EFR3A: variants seen among roughly 807,000 people sequenced by gnomAD.
EFR3A encodes protein EFR3 homolog A.
In EFR3A, 76 loss-of-function variants were observed where a neutral mutation model predicts 104.4. The observed-to-expected ratio is 0.73, with a 90% confidence interval of 0.60 to 0.88. The LOEUF (loss-of-function observed/expected upper bound fraction) is 0.88, where lower values mean the gene tolerates loss of function less well. Among genes scored for constraint, EFR3A ranks in the 40% least tolerant of loss-of-function variants. The pLI is 0.00. For synonymous variants in EFR3A, 330 were observed against 330.0 expected, an observed-to-expected ratio of 1.00 and a Z score of 0.00; for missense variants, 985 against 1,012.5, an observed-to-expected ratio of 0.97 and a Z score of 0.37.
At chr8:131,996,600 A>G in intron 19 of EFR3A, 103 bp downstream of exon 19, 1 of 593,964 alleles carries the variant, frequency 1.7e-6, no homozygotes, top group South Asian at 2.3e-5. Context: ...ACAACTCTAA[A>G]TTATCCTCAA....
intron 5 of EFR3A, 116 bp downstream of exon 5, chr8:131,950,206 C>T: frequency 9.0e-7 from 1 of 1,112,484 alleles, no homozygotes; most frequent in South Asian, 1.6e-5. Flanking sequence ...TACGGCTTTC[C>T]ATTGCTGTTA....
At chr8:131,963,598 A>C (rs1314165335) in intron 8 of EFR3A, among the ~76,000 whole-genome samples, 1 of 152,200 alleles carries the variant, frequency 6.6e-6, no homozygotes, top group Non-Finnish European at 1.5e-5. Flanking sequence ...CAACCAAAAA[A>C]AGTCCAGGAC....
At chr8:132,005,076 ATTATT>A (rs1175644925) in intron 22 of EFR3A, among the ~76,000 whole-genome samples, 1 of 152,234 alleles carries the variant, frequency 6.6e-6, no homozygotes, top group African/African-American at 2.4e-5. Context: ...TGCTAAATGT[ATTATT>A]TTATTTAATA....
intron 8 of EFR3A, among the ~76,000 whole-genome samples, chr8:131,966,124 T>C (rs1198991795): frequency 3.3e-5 from 5 of 152,124 alleles, no homozygotes; most frequent in Non-Finnish European, 7.3e-5. Context: ...GACGAGTTAA[T>C]GGGTGCAGCA....
intron 8 of EFR3A, among the ~76,000 whole-genome samples, chr8:131,965,449 C>T (rs572467152): frequency 6.6e-6 from 1 of 152,312 alleles, no homozygotes; most frequent in South Asian, 2.1e-4. Flanking sequence ...AGCCAAAAGA[C>T]ACATGAGATA....
chr8:131,960,593 G>C (rs1474139306), intron 8 of EFR3A, among the ~76,000 whole-genome samples: 1 of 152,138 alleles, frequency 6.6e-6, no homozygotes, highest in Admixed American at 6.5e-5. Flanking sequence ...GGATAGCTTT[G>C]AGTGTTTTAG....
chr8:131,987,810 A>G (rs1820968723), intron 18 of EFR3A, 108 bp downstream of exon 18: 2 of 1,188,494 alleles, frequency 1.7e-6, no homozygotes, highest in Non-Finnish European at 2.3e-6. Context: ...TGTCCTTACT[A>G]TAGCCCAGCC....
intron 8 of EFR3A, among the ~76,000 whole-genome samples, chr8:131,964,396 G>A (rs899479643): frequency 7.2e-5 from 11 of 151,824 alleles, no homozygotes; most frequent in East Asian, 5.8e-4. Context: ...AAATCAATGT[G>A]CAAAAATCAC....
intron 8 of EFR3A, among the ~76,000 whole-genome samples, chr8:131,965,074 A>T (rs1253823281): frequency 1.3e-5 from 2 of 152,172 alleles, no homozygotes; most frequent in Non-Finnish European, 2.9e-5. Flanking sequence ...TTCAAGATGG[A>T]TTAAAGACTT....
intron 5 of EFR3A, among the ~76,000 whole-genome samples, chr8:131,951,723 A>G (rs899848947): frequency 6.6e-6 from 1 of 152,198 alleles, no homozygotes; most frequent in Non-Finnish European, 1.5e-5. Context: ...AAGGACTTAT[A>G]GTACAATTTG....
intron 5 of EFR3A, among the ~76,000 whole-genome samples, chr8:131,952,738 C>T (rs1355678888): frequency 6.6e-6 from 1 of 152,104 alleles, no homozygotes; most frequent in Non-Finnish European, 1.5e-5. Flanking sequence ...TTTGTGTCTT[C>T]CAATTCATTT....
chr8:132,009,329 T>C (rs994924010), intron 22 of EFR3A, among the ~76,000 whole-genome samples: 2 of 152,118 alleles, frequency 1.3e-5, no homozygotes, highest in Admixed American at 1.3e-4. Context: ...ATGTCAGTTT[T>C]CTGTAGATTA....
intron 10 of EFR3A, 109 bp from the exon 11 acceptor site, chr8:131,975,918 G>C: frequency 1.5e-6 from 1 of 648,618 alleles, no homozygotes; most frequent in Admixed American, 2.7e-5. Flanking sequence ...TTACAGACTT[G>C]TGAGGGATTG....
intron 1 of EFR3A, among the ~76,000 whole-genome samples, chr8:131,912,271 C>G (rs1390815579): frequency 6.6e-6 from 1 of 152,092 alleles, no homozygotes; most frequent in Non-Finnish European, 1.5e-5. Context: ...ACCTGCATGG[C>G]ACATGGAAGG....
intron 20 of EFR3A, 146 bp from the exon 21 acceptor site, chr8:132,002,457 T>TG: frequency 3.3e-6 from 2 of 609,952 alleles, no homozygotes; most frequent in Non-Finnish European, 5.5e-6. Context: ...ATTTCATGGA[T>TG]GTTAGGCCTT....
chr8:131,995,250 G>A (rs895797539), intron 18 of EFR3A, among the ~76,000 whole-genome samples: 2 of 152,132 alleles, frequency 1.3e-5, no homozygotes, highest in Non-Finnish European at 2.9e-5. Flanking sequence ...AGCTTTCCAA[G>A]GGTTGAATCA....
chr8:131,919,309 C>T (rs1191031236), intron 1 of EFR3A, among the ~76,000 whole-genome samples: 1 of 151,984 alleles, frequency 6.6e-6, no homozygotes, highest in Non-Finnish European at 1.5e-5. Flanking sequence ...TAAAATTTAC[C>T]TGTTTTGGCC....
intron 1 of EFR3A, among the ~76,000 whole-genome samples, chr8:131,916,686 A>G (rs757593274): frequency 3.3e-5 from 5 of 152,218 alleles, no homozygotes; most frequent in Non-Finnish European, 7.3e-5. Context: ...TTTTTAAACA[A>G]ATACCATTGC....
At chr8:131,975,752 A>T (rs544301879) in intron 10 of EFR3A, among the ~76,000 whole-genome samples, 5 of 152,188 alleles carry the variant, frequency 3.3e-5, no homozygotes, top group African/African-American at 1.2e-4. Context: ...AGTCAACTCA[A>T]GTCAGTCCCG....
Sources: gnomAD v4.1 joint callset for allele counts (sites outside exome capture counted in the v4.1 genomes callset) on GRCh38, gnomAD v4.1.1 for gene constraint, MANE v1.5 for transcripts, NCBI Gene and HGNC (gene_info 2026-07-23, HGNC 2026-07-21) for gene names.